The following ETV1 variants were observed in gnomAD, a reference collection of about 807,000 sequenced individuals.
ETV1 encodes the protein ETS variant transcription factor 1.
In ETV1, 27 loss-of-function variants were observed where a neutral mutation model predicts 62.3. The observed-to-expected ratio is 0.43, with a 90% CI of 0.32 to 0.60. ETV1 has a LOEUF of 0.60. Among genes scored for constraint, ETV1 ranks in the 20% least tolerant of loss-of-function variants. The pLI, the probability that ETV1 is intolerant of heterozygous loss-of-function variation, is 0.06. For missense variants in ETV1, 605 were observed against 605.8 expected, an observed-to-expected ratio of 1.00 and a Z score of 0.01; for synonymous variants, 222 against 199.6, an observed-to-expected ratio of 1.11 and a Z score of -0.94.
At chr7:13,981,520 C>T (rs557563240) in intron 5 of ETV1, among the ~76,000 whole-genome samples, 1 of 130,532 alleles carries the variant, frequency 7.7e-6, no homozygotes, top group African/African-American at 2.8e-5. Flanking sequence ...TACATACATA[C>T]ATACATACAT....
intron 13 of ETV1, among the ~76,000 whole-genome samples, chr7:13,896,743 GGAAA>G (rs10694579): frequency 0.011 from 1,240 of 115,136 alleles, 9 homozygotes; most frequent in Middle Eastern, 0.028. Context: ...AAGAAAGAAA[GGAAA>G]GAAAGAAAGA....
At chr7:13,965,488 T>G (rs1422073874) in intron 6 of ETV1, among the ~76,000 whole-genome samples, 1 of 152,134 alleles carries the variant, frequency 6.6e-6, no homozygotes, top group Non-Finnish European at 1.5e-5. Flanking sequence ...GTTTTGAAGC[T>G]TGTACGTGTA....
At chr7:13,979,971 T>C (rs1451697529) in intron 5 of ETV1, among the ~76,000 whole-genome samples, 3 of 152,052 alleles carry the variant, frequency 2.0e-5, no homozygotes, top group South Asian at 2.1e-4. Context: ...ATTTTAGGAG[T>C]AGAATAATCT....
intron 6 of ETV1, among the ~76,000 whole-genome samples, chr7:13,968,184 G>T (rs956251967): frequency 1.3e-5 from 2 of 151,876 alleles, no homozygotes; most frequent in Non-Finnish European, 1.5e-5. Flanking sequence ...AAAAATATTT[G>T]CTGACATAAC....
chr7:13,923,513 TA>T (rs1189490527), intron 9 of ETV1, among the ~76,000 whole-genome samples: 1 of 152,242 alleles, frequency 6.6e-6, no homozygotes, highest in Admixed American at 6.5e-5. Context: ...AGATGAAAGT[TA>T]AACATATTCC....
chr7:13,965,267 G>T (rs1424787547), intron 6 of ETV1, among the ~76,000 whole-genome samples: 4 of 152,192 alleles, frequency 2.6e-5, no homozygotes, highest in African/African-American at 9.7e-5. Flanking sequence ...GACTGGAATA[G>T]TTCCCGAACA....
intron 9 of ETV1, among the ~76,000 whole-genome samples, chr7:13,912,079 T>C (rs1442292723): frequency 6.6e-6 from 1 of 152,218 alleles, no homozygotes; most frequent in East Asian, 1.9e-4. Context: ...GTTGAACTAA[T>C]GTTGACACCC....
chr7:13,961,102 C>A (rs536174461), intron 6 of ETV1, among the ~76,000 whole-genome samples: 1 of 151,824 alleles, frequency 6.6e-6, no homozygotes, highest in South Asian at 2.1e-4. Flanking sequence ...GCCATGATTG[C>A]CCCACTGCAC....
At chr7:13,983,712 G>GT (rs1782235235) in intron 5 of ETV1, among the ~76,000 whole-genome samples, 1 of 94,072 alleles carries the variant, frequency 1.1e-5, no homozygotes, top group African/African-American at 4.6e-5. Flanking sequence ...GTGTTTAGAT[G>GT]TTAAAAAAAA....
At chr7:13,937,196 G>A (rs556308595) in intron 7 of ETV1, among the ~76,000 whole-genome samples, 8 of 152,254 alleles carry the variant, frequency 5.3e-5, no homozygotes, top group Admixed American at 3.9e-4. Flanking sequence ...TCTTTTACAA[G>A]GAGTAAAGGA....
intron 6 of ETV1, among the ~76,000 whole-genome samples, chr7:13,959,867 A>G: frequency 7.8e-6 from 1 of 128,090 alleles, no homozygotes; most frequent in Non-Finnish European, 1.6e-5. Flanking sequence ...TGGGCAACAG[A>G]GTGAGATTCT....
At chr7:13,946,489 G>A (rs1788175855) in intron 6 of ETV1, among the ~76,000 whole-genome samples, 1 of 152,088 alleles carries the variant, frequency 6.6e-6, no homozygotes, top group Admixed American at 6.5e-5. Context: ...GTTTACTTGG[G>A]GTTATGGTAT....
At chr7:13,913,871 G>A (rs1783828498) in intron 9 of ETV1, among the ~76,000 whole-genome samples, 2 of 146,170 alleles carry the variant, frequency 1.4e-5, no homozygotes, top group Non-Finnish European at 3.0e-5. Flanking sequence ...ACTATTTGGG[G>A]GTACCTCTTT....
intron 9 of ETV1, among the ~76,000 whole-genome samples, chr7:13,914,440 T>A (rs112525567): frequency 0.039 from 5,929 of 152,162 alleles, 150 homozygotes; most frequent in Non-Finnish European, 0.061. Flanking sequence ...AAAGCTGATC[T>A]AATATGCTGT....
chr7:13,924,495 G>T (rs764396240), intron 9 of ETV1, among the ~76,000 whole-genome samples: 7 of 152,064 alleles, frequency 4.6e-5, no homozygotes, highest in African/African-American at 1.7e-4. Context: ...ACCTCACTGC[G>T]GTGAACACCT....
At chr7:13,910,744 C>T (rs1296039044) in intron 10 of ETV1, among the ~76,000 whole-genome samples, 2 of 152,148 alleles carry the variant, frequency 1.3e-5, no homozygotes, top group African/African-American at 4.8e-5. Flanking sequence ...CCACGGTTAC[C>T]ACAAGCCTGT....
At chr7:13,947,169 T>C (rs1788262050) in intron 6 of ETV1, among the ~76,000 whole-genome samples, 1 of 152,210 alleles carries the variant, frequency 6.6e-6, no homozygotes, top group African/African-American at 2.4e-5. Context: ...TGAAAACAGA[T>C]AATGTTTGTT....
At chr7:13,909,594 T>A in intron 11 of ETV1, 38 bp downstream of exon 11, 1 of 1,496,874 alleles carries the variant, frequency 6.7e-7, no homozygotes, top group Non-Finnish European at 9.3e-7. Flanking sequence ...ACTCCATCTT[T>A]AAAAAAATCA....
At chr7:13,946,387 G>T (rs934633321) in intron 6 of ETV1, among the ~76,000 whole-genome samples, 1 of 152,154 alleles carries the variant, frequency 6.6e-6, no homozygotes, top group Non-Finnish European at 1.5e-5. Context: ...GATCACTTGA[G>T]TTCTTCTAAT....
Sources: allele counts gnomAD v4.1 joint callset (sites outside exome capture counted in the v4.1 genomes callset), GRCh38; gene constraint gnomAD v4.1.1; transcripts MANE v1.5; gene names NCBI Gene and HGNC (gene_info 2026-07-23, HGNC 2026-07-21).